PRKAG2: variants seen among roughly 807,000 people sequenced by gnomAD.
The protein encoded by PRKAG2 is protein kinase AMP-activated non-catalytic subunit gamma 2, also known as 5'-AMP-activated protein kinase subunit gamma-2.
Under a neutral mutation model 69.6 loss-of-function variants are expected in PRKAG2, and 26 were observed. That is an observed-to-expected ratio of 0.37 (90% CI 0.27 to 0.52). The LOEUF is 0.52. Among genes scored for constraint, PRKAG2 ranks in the 20% least tolerant of loss-of-function variants. The pLI is 0.90. For synonymous variants in PRKAG2, 293 were observed against 285.0 expected (o/e 1.03, Z -0.28); for missense variants, 557 against 740.0 (o/e 0.75, Z 2.87).
At position 151,756,441 on chromosome 7, in the gene PRKAG2, G is replaced by A. The variant is rs80214707; in HGVS notation, c.466+24711C>T. Among the ~76,000 whole-genome samples, 1,869 of 152,302 alleles carry A rather than the reference G, an allele frequency of 0.012. 38 individuals are homozygous for A. The highest frequency in any genetic ancestry group is 0.043 in the African/African-American group (1,783 of 41,562). On this transcript the variant is annotated intron_variant, in intron 3 of 15. Transcript: ENST00000287878. This position sits in a 1 kb window ranked among gnomAD's most constrained non-coding sequence, Gnocchi z 4.9. ...CGCTCAGCACATGGCTCAGGCACAC[G>A]CAACGACTCAGTGGTGCCTCCAGGC...
chr7:151,836,524 C>T lies in PRKAG2; in HGVS notation c.114+39983G>A, dbSNP rs771861365. Among the ~76,000 whole-genome samples, 1 of 152,254 alleles carries T rather than the reference C, an allele frequency of 6.6e-6. No homozygotes were observed. Among genetic ancestry groups the T allele is most frequent in the Admixed American group, 6.5e-5 (1 of 15,284 alleles). The stretch of plus-strand genomic sequence containing the variant: ...AACAACAAAGGCAAGGTGGACCCAT[C>T]GCTGGCTCCTCTGCCTCCAGGGGAT... On this transcript the variant is annotated intron_variant, in intron 1 of 15. Coordinates refer to ENST00000287878, the MANE Select transcript of PRKAG2 (RefSeq NM_016203.4). The surrounding 1 kb of genome is among the most constrained non-coding windows in gnomAD (Gnocchi z 4.1).
At chr7:151,864,239 C>T (rs1220381826) in intron 1 of PRKAG2, among the ~76,000 whole-genome samples, 5 of 152,228 alleles carry the variant, frequency 3.3e-5, no homozygotes, top group Non-Finnish European at 5.9e-5. Flanking sequence ...CTTCCCTGAC[C>T]GTAGCCACAG....
chr7:151,651,563 C>T (rs187671421), intron 4 of PRKAG2, among the ~76,000 whole-genome samples: 221 of 152,178 alleles, frequency 1.5e-3, no homozygotes, highest in Middle Eastern at 6.8e-3. Flanking sequence ...GCTGAGATTG[C>T]GCCACTGCAC....
At chr7:151,590,626 T>C (rs12056287) in intron 6 of PRKAG2, among the ~76,000 whole-genome samples, 28,992 of 152,194 alleles carry the variant, frequency 0.19, 3,360 homozygotes, top group African/African-American at 0.32. Context: ...ACGCCTAGCG[T>C]GGGCCTCTCA....
Position 151,807,163 on chromosome 7 carries a change from C to G in PRKAG2, c.115-20622G>C. ...TCACACTGTGGCGGTGGTCACATGA[C>G]TGTGCACACTTACGACAACCCATCT... is the stretch of plus-strand genomic sequence containing the variant. On this transcript the variant is annotated intron_variant, in intron 1 of 15. Transcript: ENST00000287878. The surrounding 1 kb of genome is among the most constrained non-coding windows in gnomAD (Gnocchi z 4.4). 2.7e-6 allele frequency: 1 copy of G among 369,768 alleles called. No homozygotes were observed. Among genetic ancestry groups the G allele is most frequent in the African/African-American group, 2.1e-5 (1 of 47,122 alleles). The allele number at this position is 369,768 out of a possible 1,614,324, so 22.9% of individuals were successfully genotyped here. A position where few individuals can be genotyped will look rare whatever the true frequency, so the allele number is the denominator to read the frequency against.
chr7:151,867,385 G>T (rs73160061), intron 1 of PRKAG2, among the ~76,000 whole-genome samples: 1 of 152,112 alleles, frequency 6.6e-6, no homozygotes, highest in Admixed American at 6.5e-5. Context: ...CGAAACCTCC[G>T]GGAGGATCCT....
rs116625716 is a variant in PRKAG2 at position 151,618,778 on chromosome 7, A to C, written c.754+13291T>G. On this transcript the variant is annotated intron_variant, in intron 5 of 15. Transcript: ENST00000287878. ...AGATTCCGTCTCAAAAAATAAAATA[A>C]AATAAAAACCCCTAAGTTTTTCTAA... is the stretch of plus-strand genomic sequence containing the variant. 2.4e-3 allele frequency among the ~76,000 whole-genome samples: 365 copies of C among 152,342 alleles called. 1 individual carries two copies. Among genetic ancestry groups the C allele is most frequent in the African/African-American group, 8.0e-3 (334 of 41,580 alleles).
intron 1 of PRKAG2, among the ~76,000 whole-genome samples, chr7:151,801,126 A>G (rs1478136384): frequency 2.0e-5 from 3 of 152,224 alleles, no homozygotes; most frequent in African/African-American, 7.2e-5. Context: ...CCAGCTCCTC[A>G]GAGATGCTGG....
intron 3 of PRKAG2, among the ~76,000 whole-genome samples, chr7:151,742,638 A>C (rs939565476): frequency 3.1e-4 from 47 of 152,214 alleles, no homozygotes; most frequent in African/African-American, 1.1e-3. Flanking sequence ...AAAAAAAAAA[A>C]ATAAAATAAA....
chr7:151,587,374 G>A (rs935620653), intron 6 of PRKAG2, among the ~76,000 whole-genome samples: 2 of 152,222 alleles, frequency 1.3e-5, no homozygotes, highest in African/African-American at 4.8e-5. Flanking sequence ...ACTAACTCAC[G>A]TAGCTGCTCA....
At position 151,736,662 on chromosome 7, in the gene PRKAG2, C is replaced by T. The variant is rs147343042; in HGVS notation, c.466+44490G>A. On this transcript the variant is annotated intron_variant, in intron 3 of 15. Coordinates refer to ENST00000287878, the MANE Select transcript of PRKAG2 (RefSeq NM_016203.4). ...TGCCGGGTGGAGAAGCCACACAAGT[C>T]CCTGGGCTGGAAATTGCTGAATCTA... Among the ~76,000 whole-genome samples the T allele has an allele frequency of 2.8e-4, 43 of 152,294 alleles. No individual in the cohort carries two copies. In the South Asian group the frequency reaches 8.9e-3, roughly 32 times the overall value.
intron 3 of PRKAG2, among the ~76,000 whole-genome samples, chr7:151,755,559 T>C (rs889224749): frequency 6.6e-6 from 1 of 152,164 alleles, no homozygotes; most frequent in African/African-American, 2.4e-5. Flanking sequence ...ATTTATGTTT[T>C]AAAAACAGGA....
chr7:151,849,830 C>T (rs115364005), intron 1 of PRKAG2, among the ~76,000 whole-genome samples: 4,149 of 152,288 alleles, frequency 0.027, 187 homozygotes, highest in African/African-American at 0.093. Flanking sequence ...ACCTCATCTT[C>T]GCTAAGTACA....
At chr7:151,874,318 GATGTATATGTATATGATGTAT>G (rs1563772878) in intron 1 of PRKAG2, among the ~76,000 whole-genome samples, 1 of 74,596 alleles carries the variant, frequency 1.3e-5, no homozygotes, top group Non-Finnish European at 2.6e-5. Flanking sequence ...ATATGTATAT[GATGTATATGTATATGATGTAT>G]ATGTATATGT....
intron 5 of PRKAG2, among the ~76,000 whole-genome samples, chr7:151,600,082 T>A (rs985153128): frequency 6.6e-6 from 1 of 152,138 alleles, no homozygotes; most frequent in Admixed American, 6.5e-5. Flanking sequence ...GGAACCTGAA[T>A]TTGAACTTGA....
chr7:151,597,818 G>A (rs1191398590), intron 5 of PRKAG2, among the ~76,000 whole-genome samples: 1 of 95,258 alleles, frequency 1.0e-5, no homozygotes, highest in Non-Finnish European at 2.4e-5. Context: ...GGACAAAAGG[G>A]AGCCCCCCCC....
chr7:151,558,960 C>A (rs751938438), intron 15 of PRKAG2: 1 of 985,422 alleles, frequency 1.0e-6, no homozygotes. Context: ...AAGAGACAGA[C>A]AAGAGCTGAC....
chr7:151,833,664 T>C (rs764905425), intron 1 of PRKAG2, among the ~76,000 whole-genome samples: 4 of 152,220 alleles, frequency 2.6e-5, no homozygotes, highest in Non-Finnish European at 5.9e-5. Flanking sequence ...GCTTTTCAGT[T>C]GTTCCAGGGG....
chr7:151,749,750 G>A (rs781657543), intron 3 of PRKAG2, among the ~76,000 whole-genome samples: 1 of 150,618 alleles, frequency 6.6e-6, no homozygotes, highest in African/African-American at 2.4e-5. Context: ...AAACAGCAAT[G>A]GTAGACCACT....
Sources: gnomAD v4.1 joint callset for allele counts (sites outside exome capture counted in the v4.1 genomes callset) on GRCh38, gnomAD v4.1.1 for gene constraint, Gnocchi (gnomAD v3.1) non-coding constraint, MANE v1.5 for transcripts, NCBI Gene and HGNC (gene_info 2026-07-23, HGNC 2026-07-21) for gene names.